CDH18: variants seen among roughly 807,000 people sequenced by gnomAD.
CDH18 encodes cadherin-18.
CDH18 carries 31 observed loss-of-function variants against 67.9 expected under a neutral mutation model. The ratio of observed to expected loss-of-function variants is 0.46; its 90% CI spans 0.34 to 0.62. The LOEUF (loss-of-function observed/expected upper bound fraction) is 0.62, where lower values mean the gene tolerates loss of function less well. Ranked by LOEUF, CDH18 falls within the 20% of genes least tolerant of loss-of-function variation. The probability of loss-of-function intolerance (pLI) is 0.01; values close to 1 mark genes in which losing one functional copy is unlikely to be tolerated. For missense variants in CDH18, 890 were observed against 975.5 expected (o/e 0.91, Z 1.17); for synonymous variants, 362 against 347.2 (o/e 1.04, Z -0.48).
At chr5:20,224,281 T>C (rs538517509) in intron 2 of CDH18, among the ~76,000 whole-genome samples, 3 of 152,230 alleles carry the variant, frequency 2.0e-5, no homozygotes, top group African/African-American at 7.2e-5. Flanking sequence ...GGCTCATATT[T>C]TTCATGATAA....
chr5:20,323,013 A>T (rs114954959), intron 1 of CDH18, among the ~76,000 whole-genome samples: 2,285 of 152,080 alleles, frequency 0.015, 58 homozygotes, highest in African/African-American at 0.051. Context: ...AATAGGTTTT[A>T]AAAAAAAGCA....
chr5:20,138,233 A>G (rs1749911904), intron 2 of CDH18, among the ~76,000 whole-genome samples: 1 of 152,202 alleles, frequency 6.6e-6, no homozygotes, highest in Admixed American at 6.5e-5. Context: ...GTCTCAATAG[A>G]TGAAGAAAAG....
intron 2 of CDH18, among the ~76,000 whole-genome samples, chr5:20,225,339 G>A (rs1327598731): frequency 1.3e-5 from 2 of 152,048 alleles, no homozygotes; most frequent in Non-Finnish European, 2.9e-5. Flanking sequence ...CAAAATCCCT[G>A]AGATAAAGTA....
intron 5 of CDH18, among the ~76,000 whole-genome samples, chr5:19,672,583 G>T (rs887183785): frequency 6.6e-6 from 1 of 151,848 alleles, no homozygotes; most frequent in South Asian, 2.1e-4. Flanking sequence ...GTTAAGGAAG[G>T]ACCAAACAAC....
chr5:20,102,889 C>T (rs1460817392), intron 2 of CDH18, among the ~76,000 whole-genome samples: 3 of 152,032 alleles, frequency 2.0e-5, no homozygotes, highest in Non-Finnish European at 4.4e-5. Context: ...ATTCTCCTTC[C>T]TACAAAAAGT....
intron 2 of CDH18, among the ~76,000 whole-genome samples, chr5:20,136,458 C>T (rs995540897): frequency 6.6e-6 from 1 of 151,972 alleles, no homozygotes. Context: ...TTCTTCTAAC[C>T]CTTTATTTTG....
intron 1 of CDH18, among the ~76,000 whole-genome samples, chr5:20,566,871 C>G (rs1758543661): frequency 6.6e-6 from 1 of 152,136 alleles, no homozygotes; most frequent in Non-Finnish European, 1.5e-5. Context: ...GCCTGCACCA[C>G]AAATAAACAT....
chr5:20,223,219 G>A (rs1376162862), intron 2 of CDH18, among the ~76,000 whole-genome samples: 3 of 152,090 alleles, frequency 2.0e-5, no homozygotes, highest in African/African-American at 4.8e-5. Flanking sequence ...AGCATGACCT[G>A]GATGTGAGAA....
chr5:20,488,700 T>TATATATATATAC lies in CDH18; in HGVS notation c.-580+86761_-580+86762insGTATATATATAT, dbSNP rs369185147. ...ATATATATATATATATATATATATA[T>TATATATATATAC]ACACACACATACAATTGTTTATCAA... On this transcript the variant is annotated intron_variant, in intron 1 of 14. Transcript: ENST00000507958. Among the ~76,000 whole-genome samples, 282 of 137,228 alleles carry TATATATATATAC rather than the reference T, an allele frequency of 2.1e-3. 1 individual carries two copies. The highest frequency in any genetic ancestry group is 3.3e-3 in the African/African-American group (124 of 37,084). 90.0% of individuals were successfully genotyped at this position (137,228 alleles called of 152,430 possible).
intron 5 of CDH18, among the ~76,000 whole-genome samples, chr5:19,625,288 T>C (rs1188299037): frequency 1.3e-5 from 2 of 152,128 alleles, no homozygotes; most frequent in East Asian, 3.9e-4. Flanking sequence ...CTTATTTTCA[T>C]GCAAATTTAA....
At chr5:19,837,853 T>C (rs998432710) in intron 3 of CDH18, among the ~76,000 whole-genome samples, 2 of 152,168 alleles carry the variant, frequency 1.3e-5, no homozygotes, top group Non-Finnish European at 2.9e-5. Flanking sequence ...ATTCTACTGC[T>C]GTGCTTGCTG....
chr5:19,781,483 G>A (rs912645287), intron 3 of CDH18, among the ~76,000 whole-genome samples: 4 of 152,058 alleles, frequency 2.6e-5, no homozygotes, highest in African/African-American at 9.7e-5. Context: ...CAAAGAGCAG[G>A]TGTAAGCAGT....
intron 1 of CDH18, among the ~76,000 whole-genome samples, chr5:20,484,860 T>A (rs1031471994): frequency 1.3e-5 from 2 of 151,966 alleles, no homozygotes; most frequent in Non-Finnish European, 2.9e-5. Context: ...ATGAGTAAGA[T>A]CTAGTGTTCA....
At chr5:20,481,098 G>A (rs565666053) in intron 1 of CDH18, among the ~76,000 whole-genome samples, 1 of 151,724 alleles carries the variant, frequency 6.6e-6, no homozygotes, top group Admixed American at 6.6e-5. Context: ...CTTCAACACA[G>A]TTCACCTATA....
At chr5:19,723,596 G>A (rs965014612) in intron 4 of CDH18, among the ~76,000 whole-genome samples, 1 of 152,190 alleles carries the variant, frequency 6.6e-6, no homozygotes, top group Non-Finnish European at 1.5e-5. Flanking sequence ...AGAATGCTGA[G>A]AAACTGGGTC....
chr5:20,503,953 G>T (rs1384685301), intron 1 of CDH18, among the ~76,000 whole-genome samples: 1 of 151,636 alleles, frequency 6.6e-6, no homozygotes, highest in South Asian at 2.1e-4. Flanking sequence ...CAGGAGAATC[G>T]CTTGAACCCG....
At position 19,739,044 on chromosome 5, in the gene CDH18, T is replaced by A. The variant is rs1768741970; in HGVS notation, c.523+7898A>T. On this transcript the variant is annotated intron_variant, in intron 4 of 12. Coordinates refer to ENST00000382275, the MANE Select transcript of CDH18 (RefSeq NM_004934.5). ...TTTCTTTAATTTACAACAACGAAGTTAAAGATATATAAAATAAATAAAAAG... is the reference window on the plus strand; with the variant it reads ...TTTCTTTAATTTACAACAACGAAGTAAAAGATATATAAAATAAATAAAAAG... Among the ~76,000 whole-genome samples, 4 of 152,084 alleles carry A rather than the reference T, an allele frequency of 2.6e-5. No homozygotes were observed. In the South Asian group the frequency reaches 8.3e-4, roughly 32 times the overall value.
At chr5:20,113,685 ATTTG>A (rs1353095118) in intron 2 of CDH18, among the ~76,000 whole-genome samples, 1 of 152,248 alleles carries the variant, frequency 6.6e-6, no homozygotes, top group Non-Finnish European at 1.5e-5. Flanking sequence ...TTTTATGAAT[ATTTG>A]TTGGCAAGAC....
chr5:19,518,378 T>C (rs564997685), intron 10 of CDH18, among the ~76,000 whole-genome samples: 5 of 152,250 alleles, frequency 3.3e-5, no homozygotes, highest in African/African-American at 7.2e-5. Flanking sequence ...ATGGTTAATA[T>C]TGAGTGTCAA....
Sources: gnomAD v4.1 joint callset for allele counts (sites outside exome capture counted in the v4.1 genomes callset) on GRCh38, gnomAD v4.1.1 for gene constraint, MANE v1.5 for transcripts, NCBI Gene and HGNC (gene_info 2026-07-23, HGNC 2026-07-21) for gene names.